The following FAF1 variants were observed in gnomAD, a reference collection of about 807,000 sequenced individuals.
FAF1 encodes FAS-associated factor 1.
Under a neutral mutation model 92.5 loss-of-function variants are expected in FAF1, and 25 were observed. That is an observed-to-expected ratio of 0.27 (90% CI 0.20 to 0.38). The LOEUF is 0.38. Ranked by LOEUF, FAF1 falls within the 10% of genes least tolerant of loss-of-function variation. FAF1 has a pLI of 1.00. For missense variants in FAF1, 636 were observed against 793.3 expected (o/e 0.80, Z 2.38); for synonymous variants, 234 against 273.2 (o/e 0.86, Z 1.42).
intron 8 of FAF1, among the ~76,000 whole-genome samples, chr1:50,608,319 G>A (rs1385080420): frequency 6.6e-6 from 1 of 152,088 alleles, no homozygotes; most frequent in Non-Finnish European, 1.5e-5. Context: ...TCCTCAATTT[G>A]GTCAGGTGCC....
chr1:50,665,045 T>G (rs1655562658), intron 7 of FAF1, among the ~76,000 whole-genome samples: 1 of 152,146 alleles, frequency 6.6e-6, no homozygotes, highest in Admixed American at 6.5e-5. Flanking sequence ...TTACAATCAC[T>G]CAATAAAAGC....
intron 1 of FAF1, among the ~76,000 whole-genome samples, chr1:50,938,525 T>A (rs1347897684): frequency 6.6e-6 from 1 of 152,308 alleles, no homozygotes; most frequent in African/African-American, 2.4e-5. Context: ...ATTCTGTAGG[T>A]TGTCTGTTTA....
chr1:50,445,086 TTTTTA>T (rs1646212725), intron 18 of FAF1, among the ~76,000 whole-genome samples: 1 of 152,180 alleles, frequency 6.6e-6, no homozygotes, highest in African/African-American at 2.4e-5. Flanking sequence ...GGGACAATTA[TTTTTA>T]TTTTATTTCA....
chr1:50,755,857 T>C (rs1179739814), intron 4 of FAF1, among the ~76,000 whole-genome samples: 1 of 152,154 alleles, frequency 6.6e-6, no homozygotes, highest in Non-Finnish European at 1.5e-5. Context: ...CTGCATTGAC[T>C]CCTTTCAGCC....
chr1:50,721,598 G>A (rs1007494605), intron 6 of FAF1, among the ~76,000 whole-genome samples: 2 of 151,968 alleles, frequency 1.3e-5, no homozygotes, highest in Non-Finnish European at 2.9e-5. Context: ...CCACTTTAAG[G>A]TCTCATTTTC....
chr1:50,949,012 C>G (rs1414659588), intron 1 of FAF1, among the ~76,000 whole-genome samples: 4 of 152,136 alleles, frequency 2.6e-5, no homozygotes, highest in Non-Finnish European at 5.9e-5. Flanking sequence ...ACATCCAAAC[C>G]ATGTCATAAA....
intron 1 of FAF1, among the ~76,000 whole-genome samples, chr1:50,911,389 G>C (rs1158534969): frequency 6.6e-6 from 1 of 150,390 alleles, no homozygotes; most frequent in South Asian, 2.2e-4. Flanking sequence ...TTATTATCTT[G>C]TTTTCTTGAG....
intron 8 of FAF1, among the ~76,000 whole-genome samples, chr1:50,607,445 C>T (rs1312758212): frequency 1.3e-5 from 2 of 152,128 alleles, no homozygotes; most frequent in African/African-American, 4.8e-5. Flanking sequence ...TGTTCAAGGC[C>T]ATAACCCTGC....
chr1:50,452,980 A>T (rs2148981523), intron 18 of FAF1, among the ~76,000 whole-genome samples: 1 of 152,342 alleles, frequency 6.6e-6, no homozygotes, highest in Admixed American at 6.5e-5. Flanking sequence ...AGAGTTGAAC[A>T]AAATGTCTGA....
At chr1:50,853,014 T>C (rs544292501) in intron 2 of FAF1, among the ~76,000 whole-genome samples, 12 of 152,266 alleles carry the variant, frequency 7.9e-5, no homozygotes, top group Non-Finnish European at 4.4e-5. Flanking sequence ...TCTGTGCAAA[T>C]ATAAACCAGT....
chr1:50,806,397 C>G (rs926059767), intron 2 of FAF1, among the ~76,000 whole-genome samples: 1 of 152,158 alleles, frequency 6.6e-6, no homozygotes, highest in East Asian at 1.9e-4. Context: ...ACATCTCATA[C>G]ACTGTACAAA....
At chr1:50,625,046 C>T (rs1261166930) in intron 8 of FAF1, among the ~76,000 whole-genome samples, 4 of 151,872 alleles carry the variant, frequency 2.6e-5, no homozygotes, top group South Asian at 2.1e-4. Context: ...GGATTACAGG[C>T]GTGCACCACC....
chr1:50,661,974 C>A (rs1262151464), intron 7 of FAF1, among the ~76,000 whole-genome samples: 1 of 152,296 alleles, frequency 6.6e-6, no homozygotes, highest in East Asian at 1.9e-4. Context: ...ACGCTTGAAA[C>A]CGGATGGTGC....
chr1:50,524,571 A>C (rs1647694808), intron 15 of FAF1, among the ~76,000 whole-genome samples: 1 of 152,170 alleles, frequency 6.6e-6, no homozygotes, highest in Non-Finnish European at 1.5e-5. Context: ...ATATGGTGTA[A>C]GGAAAGAGTC....
At chr1:50,894,334 C>A (rs1238891643) in intron 1 of FAF1, among the ~76,000 whole-genome samples, 6 of 147,348 alleles carry the variant, frequency 4.1e-5, no homozygotes, top group Non-Finnish European at 9.0e-5. Flanking sequence ...AAAAAAACTC[C>A]AAGGGCTCTT....
chr1:50,639,068 C>G (rs139572900), intron 8 of FAF1, among the ~76,000 whole-genome samples: 396 of 152,320 alleles, frequency 2.6e-3, no homozygotes, highest in Non-Finnish European at 4.5e-3. Flanking sequence ...AATGTGGAAT[C>G]ACACAGTGAT....
chr1:50,913,752 C>A (rs1257549921), intron 1 of FAF1, among the ~76,000 whole-genome samples: 1 of 152,046 alleles, frequency 6.6e-6, no homozygotes, highest in Non-Finnish European at 1.5e-5. Flanking sequence ...CGTAAAGATA[C>A]TAAAAAATAG....
intron 7 of FAF1, among the ~76,000 whole-genome samples, chr1:50,700,147 C>T (rs560472624): frequency 4.6e-5 from 7 of 151,796 alleles, no homozygotes; most frequent in African/African-American, 1.7e-4. Flanking sequence ...CCTTTCATAC[C>T]CCCCTTTTTT....
chr1:50,669,934 C>G (rs1398682250), intron 7 of FAF1, among the ~76,000 whole-genome samples: 2 of 152,050 alleles, frequency 1.3e-5, no homozygotes, highest in Non-Finnish European at 1.5e-5. Flanking sequence ...CCAGCCTGAC[C>G]AACATGCAGA....
Sources: gnomAD v4.1 joint callset for allele counts (sites outside exome capture counted in the v4.1 genomes callset) on GRCh38, gnomAD v4.1.1 for gene constraint, MANE v1.5 for transcripts, NCBI Gene and HGNC (gene_info 2026-07-23, HGNC 2026-07-21) for gene names.